The following CDK5RAP2 variants were observed in gnomAD, a reference collection of about 807,000 sequenced individuals.
CDK5RAP2 encodes the protein CDK5 regulatory subunit associated protein 2, also known as CDK5 regulatory subunit-associated protein 2.
Under a neutral mutation model 232.9 loss-of-function variants are expected in CDK5RAP2, and 147 were observed. The ratio of observed to expected loss-of-function variants is 0.63; its 90% CI spans 0.55 to 0.72. The LOEUF (loss-of-function observed/expected upper bound fraction) is 0.72, where lower values mean the gene tolerates loss of function less well. Ranked by LOEUF, CDK5RAP2 falls within the 30% of genes least tolerant of loss-of-function variation. CDK5RAP2 has a pLI of 0.00. For synonymous variants in CDK5RAP2, 833 were observed against 833.7 expected, an observed-to-expected ratio of 1.00 and a Z score of 0.01; for missense variants, 2,195 against 2,231.5, an observed-to-expected ratio of 0.98 and a Z score of 0.33.
chr9:120,451,288 A>C (rs1017493396), intron 21 of CDK5RAP2, among the ~76,000 whole-genome samples: 1 of 152,328 alleles, frequency 6.6e-6, no homozygotes, highest in South Asian at 2.1e-4. Context: ...ACACAGTCTG[A>C]GCTCCTACCA....
chr9:120,452,380 G>C (rs2036525912), intron 21 of CDK5RAP2, among the ~76,000 whole-genome samples: 1 of 151,942 alleles, frequency 6.6e-6, no homozygotes, highest in Non-Finnish European at 1.5e-5. Context: ...ACTCTCTTTT[G>C]TATGCGCAAA....
chr9:120,554,782 T>C (rs1226344668), intron 3 of CDK5RAP2, among the ~76,000 whole-genome samples: 2 of 151,882 alleles, frequency 1.3e-5, no homozygotes, highest in South Asian at 2.1e-4. Context: ...TACAGGCATG[T>C]GCCACCATGC....
intron 26 of CDK5RAP2, among the ~76,000 whole-genome samples, chr9:120,422,134 G>C (rs940771668): frequency 6.6e-6 from 1 of 152,224 alleles, no homozygotes; most frequent in African/African-American, 2.4e-5. Context: ...AAGTGCTACA[G>C]CAAGAATCAC....
chr9:120,404,118 A>C lies in CDK5RAP2; in HGVS notation c.4964-5T>G. ...CCATGGGATATTTGTCACCATCTAC[A>C]AAATGCAAAACACGAGAACTGTTAG... is the stretch of plus-strand genomic sequence containing the variant. On this transcript the variant is annotated splice_polypyrimidine_tract_variant and splice_region_variant and intron_variant, in intron 32 of 37. Coordinates refer to ENST00000349780, the MANE Select transcript of CDK5RAP2 (RefSeq NM_018249.6). The C allele has an allele frequency of 6.3e-7, 1 of 1,597,976 alleles. No individual in the cohort carries two copies.
chr9:120,568,351 G>A lies in CDK5RAP2; in HGVS notation c.165C>T (p.Thr55=). ...PNVSEETVSP[T]RARNMKDFEN... is the part of the protein sequence containing the mutation. ...CAAAGTCCTTCATGTTCCGTGCTCT[G>A]GTGGGAGACACTGTTTCTTCTGACA... Residue 55 remains threonine, a synonymous_variant, in exon 3 of 38, where the codon ACC becomes ACT. Coordinates refer to ENST00000349780, the MANE Select transcript of CDK5RAP2 (RefSeq NM_018249.6). 6.2e-7 allele frequency: 1 copy of A among 1,613,782 alleles called. No individual in the cohort carries two copies. Among genetic ancestry groups the A allele is most frequent in the Non-Finnish European group, 8.5e-7 (1 of 1,179,674 alleles).
At chr9:120,564,513 C>T (rs1477789828) in intron 3 of CDK5RAP2, among the ~76,000 whole-genome samples, 1 of 146,602 alleles carries the variant, frequency 6.8e-6, no homozygotes, top group African/African-American at 2.6e-5. Context: ...AATAAAAAAT[C>T]ATACAACTAT....
At chr9:120,493,149 G>C (rs1366790348) in intron 12 of CDK5RAP2, among the ~76,000 whole-genome samples, 2 of 152,214 alleles carry the variant, frequency 1.3e-5, no homozygotes, top group Non-Finnish European at 2.9e-5. Context: ...TAGGCTCTAG[G>C]AGCTGGAAAA....
intron 5 of CDK5RAP2, among the ~76,000 whole-genome samples, chr9:120,543,830 C>T (rs2041735918): frequency 6.6e-6 from 1 of 152,154 alleles, no homozygotes; most frequent in African/African-American, 2.4e-5. Flanking sequence ...TGCACTCCAG[C>T]CTGGCAGAGC....
At chr9:120,448,167 C>T in intron 21 of CDK5RAP2, 41 bp from the exon 22 acceptor site, 1 of 1,485,672 alleles carries the variant, frequency 6.7e-7, no homozygotes, top group Non-Finnish European at 9.4e-7. Context: ...ACTTTGAACA[C>T]ACTTCCTTTG....
rs777013261 is a variant in CDK5RAP2 at position 120,580,019 on chromosome 9, G to A, written c.-41C>T. 2 of 1,371,692 alleles carry A rather than the reference G, an allele frequency of 1.5e-6. No homozygotes were observed. The highest frequency in any genetic ancestry group is 2.4e-5 in the South Asian group (2 of 84,802). The allele number at this position is 1,371,692 out of a possible 1,614,324, so 85.0% of individuals were successfully genotyped here. A position where few individuals can be genotyped will look rare whatever the true frequency, so the allele number is the denominator to read the frequency against. On this transcript the variant is annotated 5_prime_UTR_variant, in exon 1 of 38. Transcript: ENST00000349780. ...GACAGCGTTGGTGTCTGTGGCGGCGGCGCCACTAGTACCCCCCGCGATAGC... is the reference window on the plus strand; with the variant it reads ...GACAGCGTTGGTGTCTGTGGCGGCGACGCCACTAGTACCCCCCGCGATAGC...
At chr9:120,430,415 G>GA (rs1382635245) in intron 25 of CDK5RAP2, among the ~76,000 whole-genome samples, 1 of 149,828 alleles carries the variant, frequency 6.7e-6, no homozygotes, top group East Asian at 2.0e-4. Context: ...AAATTTACAA[G>GA]AAAAAAACAA....
chr9:120,425,892 G>A (rs1480200136), intron 25 of CDK5RAP2, among the ~76,000 whole-genome samples: 2 of 152,208 alleles, frequency 1.3e-5, no homozygotes, highest in African/African-American at 2.4e-5. Context: ...TGGAAAGGGT[G>A]GACCCAAAAG....
intron 3 of CDK5RAP2, among the ~76,000 whole-genome samples, chr9:120,556,963 A>G (rs1184370358): frequency 6.6e-6 from 1 of 152,162 alleles, no homozygotes; most frequent in African/African-American, 2.4e-5. Context: ...TGCTTCCTAT[A>G]AAGAGAAACC....
At chr9:120,494,557 A>C (rs1024845464) in intron 12 of CDK5RAP2, among the ~76,000 whole-genome samples, 1 of 152,240 alleles carries the variant, frequency 6.6e-6, no homozygotes, top group African/African-American at 2.4e-5. Flanking sequence ...GTAATGGCTT[A>C]TAACTTATAG....
rs369453554 is a variant in CDK5RAP2 at position 120,392,088 on chromosome 9, T to A, written c.5579-2301A>T. 1.2e-3 allele frequency among the ~76,000 whole-genome samples: 186 copies of A among 152,244 alleles called. 6 individuals carry two copies. In the South Asian group the frequency reaches 0.038, roughly 31 times the overall value. On this transcript the variant is annotated intron_variant, in intron 36 of 37. Coordinates refer to ENST00000349780, the MANE Select transcript of CDK5RAP2 (RefSeq NM_018249.6). Reference sequence around the variant, plus strand: ...TTCTTACTATGAATGATTTGCCACCTCCATGCATAGGATTTGGTCTGGCCT... The same window carrying A: ...TTCTTACTATGAATGATTTGCCACCACCATGCATAGGATTTGGTCTGGCCT...
intron 2 of CDK5RAP2, among the ~76,000 whole-genome samples, chr9:120,570,467 C>A (rs1165608574): frequency 1.3e-5 from 2 of 152,232 alleles, no homozygotes; most frequent in African/African-American, 4.8e-5. Flanking sequence ...CTCAGCTTAA[C>A]AGTAACCACA....
At chr9:120,573,074 G>A (rs779462667) in intron 1 of CDK5RAP2, among the ~76,000 whole-genome samples, 7 of 152,164 alleles carry the variant, frequency 4.6e-5, no homozygotes, top group Non-Finnish European at 8.8e-5. Context: ...AGGAGTTGAT[G>A]GAAACAGCTT....
At chr9:120,554,873 T>C (rs1482194074) in intron 3 of CDK5RAP2, among the ~76,000 whole-genome samples, 2 of 152,074 alleles carry the variant, frequency 1.3e-5, no homozygotes, top group African/African-American at 4.8e-5. Context: ...CCTCGGGTGA[T>C]TCTCCCACCT....
chr9:120,458,725 G>C lies in CDK5RAP2; in HGVS notation c.2203-103C>G, dbSNP rs185804121. ...AGGGTAAGTGAGTAAGTGAAAATAA[G>C]CCAGACACACTGAGCCAGAGAGAAA... On this transcript the variant is annotated intron_variant, in intron 19 of 37. Transcript: ENST00000349780. The C allele has an allele frequency of 1.2e-4, 123 of 1,043,792 alleles. No homozygotes were observed. The African/African-American group carries it at 1.8e-3, about 15-fold the overall frequency. 64.7% of individuals were successfully genotyped at this position (1,043,792 alleles called of 1,614,324 possible).
Sources: gnomAD v4.1 joint callset for allele counts (sites outside exome capture counted in the v4.1 genomes callset) on GRCh38, gnomAD v4.1.1 for gene constraint, MANE v1.5 for transcripts, NCBI Gene and HGNC (gene_info 2026-07-23, HGNC 2026-07-21) for gene names.